KCNC2: variants seen among roughly 807,000 people sequenced by gnomAD.
KCNC2 encodes voltage-gated potassium channel KCNC2.
In KCNC2, 21 loss-of-function variants were observed where a neutral mutation model predicts 44.5. The ratio of observed to expected loss-of-function variants is 0.47; its 90% confidence interval spans 0.33 to 0.68. The LOEUF is 0.68. KCNC2 is among the 30% of genes least tolerant of loss of function. KCNC2 has a pLI of 0.01. For synonymous variants in KCNC2, 391 were observed against 339.1 expected, an observed-to-expected ratio of 1.15 and a Z score of -1.68; for missense variants, 589 against 826.2, an observed-to-expected ratio of 0.71 and a Z score of 3.52.
chr12:75,156,248 C>T (rs950433832), intron 2 of KCNC2, among the ~76,000 whole-genome samples: 4 of 145,486 alleles, frequency 2.7e-5, no homozygotes, highest in Non-Finnish European at 6.0e-5. Context: ...ACTCTCGAAA[C>T]ATTTTTTTTT....
At chr12:75,098,756 TTAAATAAATAAA>T (rs34518617) in intron 2 of KCNC2, among the ~76,000 whole-genome samples, 6 of 145,674 alleles carry the variant, frequency 4.1e-5, no homozygotes, top group South Asian at 2.2e-4. Context: ...AGACTCTGTC[TTAAATAAATAAA>T]TAAATAAATA....
intron 2 of KCNC2, among the ~76,000 whole-genome samples, chr12:75,167,700 T>G (rs1288393899): frequency 6.6e-6 from 1 of 151,466 alleles, no homozygotes; most frequent in Non-Finnish European, 1.5e-5. Flanking sequence ...TGTTTATGGC[T>G]CTTGTGTTTT....
At chr12:75,068,549 A>C (rs1883063104) in intron 2 of KCNC2, among the ~76,000 whole-genome samples, 1 of 152,224 alleles carries the variant, frequency 6.6e-6, no homozygotes, top group African/African-American at 2.4e-5. Context: ...AATGACAAAA[A>C]GTAAAGCTAC....
intron 2 of KCNC2, among the ~76,000 whole-genome samples, chr12:75,055,899 C>T (rs937416149): frequency 6.6e-6 from 1 of 152,030 alleles, no homozygotes; most frequent in Non-Finnish European, 1.5e-5. Flanking sequence ...TTATTTTCCT[C>T]ATTTTCTCTT....
chr12:75,161,741 A>C (rs1350517), intron 2 of KCNC2, among the ~76,000 whole-genome samples: 3 of 151,556 alleles, frequency 2.0e-5, no homozygotes, highest in Non-Finnish European at 4.4e-5. Flanking sequence ...GTCATGCAAC[A>C]CTGCTTTTAA....
At chr12:75,143,936 A>G (rs1214602207) in intron 2 of KCNC2, among the ~76,000 whole-genome samples, 1 of 152,206 alleles carries the variant, frequency 6.6e-6, no homozygotes, top group Non-Finnish European at 1.5e-5. Context: ...CTGCTGACAT[A>G]TCCTCTATCT....
chr12:75,093,145 T>C lies in KCNC2; in HGVS notation c.688-41828A>G, dbSNP rs540616869. The stretch of plus-strand genomic sequence containing the variant: ...AATTTTTTAATCAATTCATGATTCA[T>C]AGAATCAAAATATTCTGGCAACCAT... On this transcript the variant is annotated intron_variant, in intron 2 of 4. Transcript: ENST00000549446. 2.0e-5 allele frequency among the ~76,000 whole-genome samples: 3 copies of C among 151,680 alleles called. No individual in the cohort carries two copies. The East Asian group carries it at 5.8e-4, about 29-fold the overall frequency.
intron 2 of KCNC2, among the ~76,000 whole-genome samples, chr12:75,167,785 T>C (rs949242742): frequency 2.6e-5 from 4 of 151,326 alleles, no homozygotes; most frequent in Admixed American, 2.0e-4. Flanking sequence ...TATTTGCATT[T>C]TTTTTCTTTT....
intron 2 of KCNC2, among the ~76,000 whole-genome samples, chr12:75,204,566 G>A (rs1479668406): frequency 6.6e-6 from 1 of 152,060 alleles, no homozygotes; most frequent in Admixed American, 6.6e-5. Flanking sequence ...AAAAATAAGA[G>A]TGTTTATAAA....
intron 2 of KCNC2, among the ~76,000 whole-genome samples, chr12:75,177,876 T>C (rs184853452): frequency 6.6e-6 from 1 of 152,132 alleles, no homozygotes. Context: ...AAAAGAATGG[T>C]GGAAACTTCA....
chr12:75,205,755 A>T (rs754003742), intron 2 of KCNC2, among the ~76,000 whole-genome samples: 1 of 152,042 alleles, frequency 6.6e-6, no homozygotes, highest in Admixed American at 6.5e-5. Flanking sequence ...AATCCAAAAA[A>T]CACAGATGCA....
At chr12:75,087,778 G>A (rs181828755) in intron 2 of KCNC2, among the ~76,000 whole-genome samples, 1 of 152,112 alleles carries the variant, frequency 6.6e-6, no homozygotes, top group East Asian at 1.9e-4. Flanking sequence ...AGCACAGGCT[G>A]GAGGAAAGCT....
At chr12:75,052,855 A>G (rs1881327885) in intron 2 of KCNC2, among the ~76,000 whole-genome samples, 1 of 152,170 alleles carries the variant, frequency 6.6e-6, no homozygotes, top group Non-Finnish European at 1.5e-5. Context: ...ACAGTGTGCC[A>G]GTTAGTACAT....
intron 3 of KCNC2, among the ~76,000 whole-genome samples, 186 bp from the exon 4 acceptor site, chr12:75,048,503 T>C (rs1880799308): frequency 1.3e-5 from 2 of 152,104 alleles, no homozygotes; most frequent in African/African-American, 2.4e-5. Flanking sequence ...TGGAAATGTA[T>C]TGAAAAGAAT....
intron 2 of KCNC2, among the ~76,000 whole-genome samples, chr12:75,073,279 C>A (rs1483860494): frequency 1.3e-5 from 2 of 152,070 alleles, no homozygotes; most frequent in Admixed American, 6.5e-5. Context: ...AAACTTAATT[C>A]TCAAATAACT....
At chr12:75,053,050 T>C (rs1881352584) in intron 2 of KCNC2, among the ~76,000 whole-genome samples, 1 of 152,186 alleles carries the variant, frequency 6.6e-6, no homozygotes, top group Non-Finnish European at 1.5e-5. Context: ...TACTACTATT[T>C]TTTAATCAAT....
intron 2 of KCNC2, among the ~76,000 whole-genome samples, chr12:75,194,468 C>T (rs1375613812): frequency 6.6e-6 from 1 of 152,128 alleles, no homozygotes; most frequent in East Asian, 1.9e-4. Flanking sequence ...CTTCTAGCCT[C>T]CAAAACTGTA....
At chr12:75,090,495 A>G (rs902202309) in intron 2 of KCNC2, among the ~76,000 whole-genome samples, 3 of 151,684 alleles carry the variant, frequency 2.0e-5, no homozygotes, top group Non-Finnish European at 4.4e-5. Context: ...AGCTAACTAC[A>G]AAATGAAGTT....
intron 2 of KCNC2, among the ~76,000 whole-genome samples, chr12:75,087,712 G>A (rs150933857): frequency 1.3e-5 from 2 of 152,128 alleles, no homozygotes; most frequent in East Asian, 3.9e-4. Flanking sequence ...CAGTACTGTA[G>A]AGCCTGAAAA....
Sources: gnomAD v4.1 joint callset for allele counts (sites outside exome capture counted in the v4.1 genomes callset) on GRCh38, gnomAD v4.1.1 for gene constraint, MANE v1.5 for transcripts, NCBI Gene and HGNC (gene_info 2026-07-23, HGNC 2026-07-21) for gene names.